CCDC157: variants seen among roughly 807,000 people sequenced by gnomAD.
The protein encoded by CCDC157 is coiled-coil domain containing 157.
Under a neutral mutation model 70.9 loss-of-function variants are expected in CCDC157, and 60 were observed. The observed-to-expected ratio is 0.85, with a 90% confidence interval of 0.69 to 1.05. The LOEUF (loss-of-function observed/expected upper bound fraction) is 1.05. Ranked by LOEUF, CCDC157 falls within the 50% of genes least tolerant of loss-of-function variation. CCDC157 has a pLI of 0.00. For synonymous variants in CCDC157, 373 were observed against 422.4 expected (o/e 0.88, Z 1.43); for missense variants, 943 against 984.2 (o/e 0.96, Z 0.56).
chr22:30,366,649 G>C, intron 3 of CCDC157: 1 of 262,588 alleles, frequency 3.8e-6, no homozygotes, highest in South Asian at 5.6e-5. Context: ...GGGTTGTGCT[G>C]TTCCCTCTGC....
At chr22:30,373,390 T>G (rs1254304526) in intron 7 of CCDC157, 1 of 587,600 alleles carries the variant, frequency 1.7e-6, no homozygotes, top group East Asian at 3.0e-5. Flanking sequence ...ATCCTGGCCT[T>G]GACCAGGTCC....
At position 30,360,769 on chromosome 22, in the gene CCDC157, C is replaced by T. The variant is rs549453625; in HGVS notation, c.-165-1192C>T. ...TCTACTACTAAATACAAAAATTGGC[C>T]GGGCATGGTGGCTCATACCTATAAT... On this transcript the variant is annotated intron_variant, in intron 1 of 11. Coordinates refer to ENST00000338306, the MANE Select transcript of CCDC157 (RefSeq NM_001017437.5). 6.6e-5 allele frequency among the ~76,000 whole-genome samples: 10 copies of T among 152,062 alleles called. No homozygotes were observed. In the East Asian group the frequency reaches 1.4e-3, roughly 21 times the overall value.
Position 30,366,118 on chromosome 22 carries a change from T to C in CCDC157, c.118T>C (p.Trp40Arg), listed in dbSNP as rs774775136. The C allele has an allele frequency of 1.2e-6, 2 of 1,613,290 alleles. No individual in the cohort carries two copies. Among genetic ancestry groups the C allele is most frequent in the African/African-American group, 1.3e-5 (1 of 74,928 alleles). ...SRAGPVRFPSWKFPDRMACDL... is the reference protein window; with the variant it reads ...SRAGPVRFPSRKFPDRMACDL... ...CGCCGGGCCTGTGCGCTTCCCCTCCTGGAAGTTCCCTGACCGCATGGCCTG... is the reference window on the plus strand; with the variant it reads ...CGCCGGGCCTGTGCGCTTCCCCTCCCGGAAGTTCCCTGACCGCATGGCCTG... Residue 40 changes from tryptophan (W) to arginine (R), a missense_variant, in exon 3 of 12, where the codon TGG becomes CGG. Trp to Arg is a moderately radical substitution (Grantham distance 101). Transcript: ENST00000338306.
intron 7 of CCDC157, chr22:30,372,518 C>T (rs1353730735): frequency 4.0e-6 from 2 of 501,146 alleles, no homozygotes; most frequent in South Asian, 4.2e-5. Flanking sequence ...GAAGAGCGCC[C>T]CACAGGCAAA....
Position 30,378,242 on chromosome 22 carries a change from A to G in CCDC157, c.*1497A>G, listed in dbSNP as rs1198912048. ...CTACCAGCAGAAAACTACTTTGAATAGGCTCATGTGGTTAGGGCAAGGCTC... is the reference window on the plus strand; with the variant it reads ...CTACCAGCAGAAAACTACTTTGAATGGGCTCATGTGGTTAGGGCAAGGCTC... On this transcript the variant is annotated 3_prime_UTR_variant, in exon 12 of 12. Coordinates refer to ENST00000338306, the MANE Select transcript of CCDC157 (RefSeq NM_001017437.5). 6.5e-6 allele frequency: 3 copies of G among 462,828 alleles called. No individual in the cohort carries two copies. The highest frequency in any genetic ancestry group is 1.4e-5 in the Non-Finnish European group (3 of 222,114). The allele number at this position is 462,828 out of a possible 1,614,324, so 28.7% of individuals were successfully genotyped here. A position where few individuals can be genotyped will look rare whatever the true frequency, so the allele number is the denominator to read the frequency against.
rs746219940 is a variant in CCDC157, at chr22:30,370,615, T to G, written c.710T>G (p.Val237Gly). The G allele has an allele frequency of 6.2e-6, 10 of 1,613,924 alleles. No individual in the cohort carries two copies. The highest frequency in any genetic ancestry group is 8.5e-6 in the Non-Finnish European group (10 of 1,180,010). The change falls in exon 5 of 12, where the codon GTG becomes GGG. Residue 237 changes from valine to glycine, a missense_variant. Transcript: ENST00000338306. The part of the protein sequence containing the change: ...VQGSLQKVGK[V>G]VISLCQSQNL... ...GGAAGCCTGCAGAAGGTGGGCAAGG[T>G]GGTCATCAGCCTGTGTCAGAGCCAG...
intron 10 of CCDC157, chr22:30,376,031 A>G (rs1402802242): frequency 7.5e-5 from 42 of 556,518 alleles, no homozygotes; most frequent in Admixed American, 1.0e-4. Context: ...CTACAAAAAA[A>G]AAAAGAAGCC....
At position 30,372,220 on chromosome 22, in the gene CCDC157, C is replaced by G. The variant is rs914387839; in HGVS notation, c.1269C>G (p.Val423=). Reference sequence around the variant, plus strand: ...GGCTGGAGGGCGCTGGCCAGCAGGTCTGCTGGGCCAGCACGGAGCTGGATA... The same window carrying G: ...GGCTGGAGGGCGCTGGCCAGCAGGTGTGCTGGGCCAGCACGGAGCTGGATA... ...VGRLEGAGQQ[V]CWASTELDKE... is the part of the protein sequence containing the mutation. The change falls in exon 7 of 12, where the codon GTC becomes GTG. Residue 423 remains valine (V), a synonymous_variant. Transcript: ENST00000338306. The G allele has an allele frequency of 1.3e-6, 2 of 1,596,130 alleles. No homozygotes were observed. Among genetic ancestry groups the G allele is most frequent in the African/African-American group, 1.3e-5 (1 of 74,766 alleles).
chr22:30,356,717 G>T (rs758570403), upstream of CCDC157: 1 of 1,483,318 alleles, frequency 6.7e-7, no homozygotes, highest in Non-Finnish European at 9.0e-7. Flanking sequence ...GCTGAGGGGC[G>T]GGGGAGAGGT....
At chr22:30,371,197 G>A (rs1601737315) in intron 5 of CCDC157, 6 of 572,738 alleles carry the variant, frequency 1.0e-5, no homozygotes, top group Admixed American at 3.0e-5. Context: ...CTCGTCCATC[G>A]GTCAGTGAGG....
intron 7 of CCDC157, chr22:30,372,640 C>T: frequency 4.6e-6 from 1 of 216,934 alleles, no homozygotes. Flanking sequence ...GGCCTTTGAG[C>T]TGGACGCCCA....
At position 30,376,783 on chromosome 22, in the gene CCDC157, G is replaced by A; in HGVS notation, c.*38G>A. On this transcript the variant is annotated 3_prime_UTR_variant, in exon 12 of 12. Transcript: ENST00000338306. ...GGCTGAGGCTGGATGGGAGGTGGCTGGCAGCCCACCCACTGTAATAAAGCC... is the reference window on the plus strand; with the variant it reads ...GGCTGAGGCTGGATGGGAGGTGGCTAGCAGCCCACCCACTGTAATAAAGCC... 6.4e-7 allele frequency: 1 copy of A among 1,573,570 alleles called. No individual in the cohort carries two copies. The highest frequency in any genetic ancestry group is 1.7e-4 in the Middle Eastern group (1 of 5,746).
chr22:30,376,105 C>CT, intron 10 of CCDC157, 154 bp from the exon 11 acceptor site: 1 of 656,694 alleles, frequency 1.5e-6, no homozygotes, highest in East Asian at 2.7e-5. Context: ...AGAATAGGCC[C>CT]TGGAAGGCTT....
At chr22:30,374,126 G>C in intron 9 of CCDC157, 35 bp downstream of exon 9, 1 of 1,558,642 alleles carries the variant, frequency 6.4e-7, no homozygotes, top group Non-Finnish European at 8.7e-7. Flanking sequence ...GGGCATGCTG[G>C]GGCTCAGGGC....
At chr22:30,365,923 T>C (rs1932691578) in intron 2 of CCDC157, 67 bp from the exon 3 acceptor site, 1 of 1,436,592 alleles carries the variant, frequency 7.0e-7, no homozygotes, top group African/African-American at 1.4e-5. Context: ...GATGAGGGTT[T>C]CAGGGAGTTT....
rs1741995812 is a variant in CCDC157 at position 30,377,368 on chromosome 22, C to T, written c.*623C>T. ...GCCACTGAAGGCGGGGCAAGGCCTC[C>T]ACCAAGCAGAGGACACCCTGCCAGC... On this transcript the variant is annotated 3_prime_UTR_variant, in exon 12 of 12. Coordinates refer to ENST00000338306, the MANE Select transcript of CCDC157 (RefSeq NM_001017437.5). The T allele has an allele frequency of 6.5e-6, 1 of 154,484 alleles. No homozygotes were observed. Among genetic ancestry groups the T allele is most frequent in the South Asian group, 2.0e-4 (1 of 4,980 alleles). 9.6% of individuals were successfully genotyped at this position (154,484 alleles called of 1,614,324 possible).
At chr22:30,371,010 G>T in intron 5 of CCDC157, 60 bp downstream of exon 5, 9 of 1,524,682 alleles carry the variant, frequency 5.9e-6, no homozygotes, top group East Asian at 2.3e-5. Context: ...CCTTTGCATG[G>T]ATGTTTGTGA....
At position 30,376,610 on chromosome 22, in the gene CCDC157, C is replaced by T. The variant is rs151252990; in HGVS notation, c.2124C>T (p.Ser708=). The part of the protein sequence containing the change: ...SRQPCSQPSK[S]LLEGVTHLDT... ...AGCCCTGCAGCCAGCCCAGCAAGTC[C>T]TTGCTGGAGGGTGTGACCCACTTGG... is the stretch of plus-strand genomic sequence containing the variant. The change falls in exon 12 of 12, where the codon TCC becomes TCT. Residue 708 remains serine, a synonymous_variant. Coordinates refer to ENST00000338306, the MANE Select transcript of CCDC157 (RefSeq NM_001017437.5). The T allele has an allele frequency of 9.5e-5, 153 of 1,613,510 alleles. 2 individuals are homozygous for T. In the African/African-American group the frequency reaches 1.8e-3, roughly 19 times the overall value.
chr22:30,361,247 CAAAAAAAAAA>C (rs33971565), intron 1 of CCDC157, among the ~76,000 whole-genome samples: 26 of 62,198 alleles, frequency 4.2e-4, no homozygotes, highest in Non-Finnish European at 4.9e-4. Context: ...GACTCTGTCT[CAAAAAAAAAA>C]AAAAAAAAGA....
Sources: allele counts gnomAD v4.1 joint callset (sites outside exome capture counted in the v4.1 genomes callset), GRCh38; gene constraint gnomAD v4.1.1; transcripts MANE v1.5; gene names NCBI Gene and HGNC (gene_info 2026-07-23, HGNC 2026-07-21).